The following DNAL1 variants were observed in gnomAD, a reference collection of about 807,000 sequenced individuals.
The protein encoded by DNAL1 is chromosome 14 open reading frame 168.
Under a neutral mutation model 29.4 loss-of-function variants are expected in DNAL1, and 17 were observed. The observed-to-expected ratio is 0.58, with a 90% CI of 0.40 to 0.87. DNAL1 has a LOEUF of 0.87. Among genes scored for constraint, DNAL1 ranks in the 40% least tolerant of loss-of-function variants. The probability of loss-of-function intolerance (pLI) is 0.00; values close to 1 mark genes in which losing one functional copy is unlikely to be tolerated. For missense variants in DNAL1, 188 were observed against 214.1 expected (o/e 0.88, Z 0.76); for synonymous variants, 78 against 76.3 (o/e 1.02, Z -0.12).
intron 6 of DNAL1, 46 bp downstream of exon 6, chr14:73,687,431 A>C (rs764174838): frequency 2.7e-5 from 40 of 1,484,814 alleles, no homozygotes; most frequent in Non-Finnish European, 2.7e-5. Context: ...GCCTGTTTAT[A>C]GAAAATAGTC....
chr14:73,658,907 C>T lies in DNAL1; in HGVS notation c.103C>T (p.Pro35Ser). Residue 35 changes from proline to serine, a missense_variant, in exon 3 of 8, where the codon CCC (proline) becomes TCC (serine). Transcript: ENST00000553645. ...AKEIKLYAQI[P>S]PIEKMDASLS... ...AGAGATAAAACTTTATGCCCAGATT[C>T]CCCCTATAGAGAAGATGGATGCATC... The T allele has an allele frequency of 6.3e-7, 1 of 1,590,368 alleles. No homozygotes were observed. Among genetic ancestry groups the T allele is most frequent in the Non-Finnish European group, 8.6e-7 (1 of 1,167,998 alleles).
At position 73,658,904 on chromosome 14, in the gene DNAL1, A is replaced by G. The variant is rs1481457782; in HGVS notation, c.100A>G (p.Ile34Val). 3 of 1,599,300 alleles carry G rather than the reference A, an allele frequency of 1.9e-6. No individual in the cohort carries two copies. Among genetic ancestry groups the G allele is most frequent in the Non-Finnish European group, 2.6e-6 (3 of 1,172,674 alleles). Residue 34 changes from isoleucine (I) to valine (V), a missense_variant, in exon 3 of 8, where the codon ATT becomes GTT. Coordinates refer to ENST00000553645, the MANE Select transcript of DNAL1 (RefSeq NM_031427.4). ...CAAAGAGATAAAACTTTATGCCCAG[A>G]TTCCCCCTATAGAGAAGATGGATGC... ...EAKEIKLYAQ[I>V]PPIEKMDASL...
At chr14:73,667,393 T>G (rs1406669206) in intron 4 of DNAL1, among the ~76,000 whole-genome samples, 1 of 151,982 alleles carries the variant, frequency 6.6e-6, no homozygotes, top group Non-Finnish European at 1.5e-5. Flanking sequence ...TGAATCAAAG[T>G]GCTGGGATTA....
intron 3 of DNAL1, among the ~76,000 whole-genome samples, chr14:73,660,386 A>C (rs1465678331): frequency 6.6e-6 from 1 of 152,216 alleles, no homozygotes; most frequent in Non-Finnish European, 1.5e-5. Context: ...TTAGGCTACA[A>C]GTGTGTCTCA....
intron 1 of DNAL1, among the ~76,000 whole-genome samples, chr14:73,653,980 A>G (rs1173184520): frequency 6.6e-6 from 1 of 152,182 alleles, no homozygotes. Flanking sequence ...TTTATTTTGT[A>G]CTTATTGATA....
chr14:73,682,567 T>A (rs1891914527), intron 5 of DNAL1, among the ~76,000 whole-genome samples: 2 of 151,938 alleles, frequency 1.3e-5, no homozygotes, highest in African/African-American at 4.8e-5. Flanking sequence ...AAACACACAT[T>A]GTATAGTAGT....
intron 5 of DNAL1, among the ~76,000 whole-genome samples, chr14:73,675,784 G>A (rs1475045378): frequency 2.6e-5 from 4 of 152,010 alleles, no homozygotes; most frequent in Non-Finnish European, 4.4e-5. Flanking sequence ...TTGGGAGGCC[G>A]AGGCAGTGGA....
intron 4 of DNAL1, among the ~76,000 whole-genome samples, chr14:73,662,772 T>A (rs956784043): frequency 1.3e-5 from 2 of 151,880 alleles, no homozygotes; most frequent in African/African-American, 4.8e-5. Context: ...ATAATCTCCC[T>A]GTCTCTCAAG....
At chr14:73,684,808 G>T (rs1413452443) in intron 5 of DNAL1, among the ~76,000 whole-genome samples, 1 of 152,140 alleles carries the variant, frequency 6.6e-6, no homozygotes, top group Non-Finnish European at 1.5e-5. Flanking sequence ...GAGGCAGGAG[G>T]ATCACTTGAG....
At chr14:73,646,101 C>G (rs1245031293) in intron 1 of DNAL1, among the ~76,000 whole-genome samples, 1 of 152,090 alleles carries the variant, frequency 6.6e-6, no homozygotes, top group African/African-American at 2.4e-5. Flanking sequence ...TACTTTGTTC[C>G]CCAAGCAGTT....
At position 73,700,718 on chromosome 14, in the gene DNAL1, ACTG is replaced by A. The variant is rs1247987520; in HGVS notation, c.*4779_*4781del. ...CTGTAAGTGTTGGTAAAGGAAGAAA[ACTG>A]CTAAATTGCATGTTACCCTTTACTA... is the stretch of plus-strand genomic sequence containing the variant. On this transcript the variant is annotated 3_prime_UTR_variant, in exon 8 of 8. Coordinates refer to ENST00000553645, the MANE Select transcript of DNAL1 (RefSeq NM_031427.4). The A allele has an allele frequency of 1.3e-5, 2 of 152,186 alleles. No homozygotes were observed. Among genetic ancestry groups the A allele is most frequent in the Non-Finnish European group, 2.9e-5 (2 of 68,030 alleles). The allele number at this position is 152,186 out of a possible 1,614,324, so 9.4% of individuals were successfully genotyped here.
In DNAL1 at chr14:73,667,291, G is replaced by A. The variant is rs543829433; in HGVS notation, c.209-4251G>A. Among the ~76,000 whole-genome samples, 11 of 151,474 alleles carry A rather than the reference G, an allele frequency of 7.3e-5. 1 individual carries two copies. In the South Asian group the frequency reaches 2.1e-3, roughly 29 times the overall value. On this transcript the variant is annotated intron_variant, in intron 4 of 7. Transcript: ENST00000553645. ...AGCCTAGCCAACATGGTGAAACCTC[G>A]TCTCTACTAAAAATACAAAAAAAAT...
intron 2 of DNAL1, among the ~76,000 whole-genome samples, chr14:73,657,579 C>T (rs1891247561): frequency 6.6e-6 from 1 of 152,140 alleles, no homozygotes; most frequent in African/African-American, 2.4e-5. Flanking sequence ...TTATTGTTTC[C>T]TCTGCTGTGC....
In DNAL1 at chr14:73,696,827, G is replaced by A. The variant is rs558116141; in HGVS notation, c.*885G>A. ...AAATTTACCCTAATTATTTGGTCTG[G>A]TGACCCTCATTGTTGGGAAAAGTGA... On this transcript the variant is annotated 3_prime_UTR_variant, in exon 8 of 8. Transcript: ENST00000553645. 2 of 152,266 alleles carry A rather than the reference G, an allele frequency of 1.3e-5. No homozygotes were observed. The highest frequency in any genetic ancestry group is 2.1e-4 in the South Asian group (1 of 4,826). 9.4% of individuals were successfully genotyped at this position (152,266 alleles called of 1,614,324 possible). A position where few individuals can be genotyped will look rare whatever the true frequency, so the allele number is the denominator to read the frequency against.
chr14:73,648,007 T>C (rs950635233), intron 1 of DNAL1, among the ~76,000 whole-genome samples: 5 of 152,110 alleles, frequency 3.3e-5, no homozygotes, highest in African/African-American at 1.2e-4. Flanking sequence ...ATACAGAGTC[T>C]CGTTCTGTCG....
Position 73,700,311 on chromosome 14 carries a change from T to C in DNAL1, c.*4369T>C, listed in dbSNP as rs1396667958. On this transcript the variant is annotated 3_prime_UTR_variant, in exon 8 of 8. Transcript: ENST00000553645. ...GAGGCTTCAGTGAGCCGAAATAGTG[T>C]GACTGTACTCCAGCCTGGGTGACAG... 3 of 152,012 alleles carry C rather than the reference T, an allele frequency of 2.0e-5. No individual in the cohort carries two copies. Among genetic ancestry groups the C allele is most frequent in the Non-Finnish European group, 4.4e-5 (3 of 68,008 alleles). The allele number at this position is 152,012 out of a possible 1,614,324, so 9.4% of individuals were successfully genotyped here. A position where few individuals can be genotyped will look rare whatever the true frequency, so the allele number is the denominator to read the frequency against.
chr14:73,661,864 G>A (rs1194436834), intron 3 of DNAL1, 123 bp from the exon 4 acceptor site: 5 of 592,362 alleles, frequency 8.4e-6, no homozygotes, highest in Non-Finnish European at 1.5e-5. Flanking sequence ...AGTAATAAAT[G>A]CTATGATTGA....
rs746219926 is a variant in DNAL1, at chr14:73,654,864, CAA to C, written c.23_24del (p.Lys8ArgfsTer16). ...TTTTAAAGGCGAAAGCAACAACAAT[CAA>C]AGAAGCCTTAGCGAGATGGGTGAGT... is the stretch of plus-strand genomic sequence containing the variant. The part of the protein sequence containing the change: MAKATTI[K>X]EALARWEEKT... On this transcript the variant is annotated frameshift_variant, in exon 2 of 8. Transcript: ENST00000553645. LOFTEE classifies it high-confidence loss of function. The C allele has an allele frequency of 2.0e-6, 3 of 1,528,464 alleles. No homozygotes were observed. In the African/African-American group the frequency reaches 4.2e-5, roughly 21 times the overall value. 94.7% of individuals were successfully genotyped at this position (1,528,464 alleles called of 1,614,324 possible).
intron 1 of DNAL1, among the ~76,000 whole-genome samples, chr14:73,648,417 T>TATATATATATATATATATATATATATA (rs71112789): frequency 8.1e-4 from 108 of 132,610 alleles, no homozygotes; most frequent in African/African-American, 1.1e-3. Flanking sequence ...TATATATATA[T>TATATATATATATATATATATATATATA]TTGTTGTTTG....
Sources: allele counts gnomAD v4.1 joint callset (sites outside exome capture counted in the v4.1 genomes callset), GRCh38; gene constraint gnomAD v4.1.1; transcripts MANE v1.5; gene names NCBI Gene and HGNC (gene_info 2026-07-23, HGNC 2026-07-21).